JAKMIP1: variants seen among roughly 807,000 people sequenced by gnomAD.
JAKMIP1 encodes janus kinase and microtubule-interacting protein 1.
JAKMIP1 carries 33 observed loss-of-function variants against 113.0 expected under a neutral mutation model. The observed-to-expected ratio is 0.29, with a 90% confidence interval of 0.22 to 0.39. The LOEUF (loss-of-function observed/expected upper bound fraction) is 0.39. Ranked by LOEUF, JAKMIP1 falls within the 10% of genes least tolerant of loss-of-function variation. JAKMIP1 has a pLI of 1.00. For synonymous variants in JAKMIP1, 480 were observed against 459.9 expected (o/e 1.04, Z -0.56); for missense variants, 813 against 1,080.5 (o/e 0.75, Z 3.47).
In JAKMIP1 at chr4:6,081,669, C is replaced by T; in HGVS notation, c.1041G>A (p.Leu347=). ...TCTCCTCCATCCTCTGGATACTCTG[C>T]AACAGATCCTCATTCTTCTTGTTCA... is the stretch of plus-strand genomic sequence containing the variant. ...KRMNKKNEDL[L]QSIQRMEEKI... The change falls in exon 6 of 21, where the codon TTG becomes TTA. Residue 347 remains leucine (L), a synonymous_variant. Coordinates refer to ENST00000409021, the MANE Select transcript of JAKMIP1 (RefSeq NM_001099433.2). This position sits in a 1 kb window ranked among gnomAD's most constrained non-coding sequence, Gnocchi z 4.6. 6.2e-7 allele frequency: 1 copy of T among 1,614,204 alleles called. No homozygotes were observed.
At position 6,093,357 on chromosome 4, in the gene JAKMIP1, A is replaced by C. The variant is rs903630280; in HGVS notation, c.625-7728T>G. ...ATTTTTCTCTATAACTCAGTAAATA[A>C]ATATTCAACTGAGGGGGAGCTCTCC... On this transcript the variant is annotated intron_variant, in intron 3 of 20. Transcript: ENST00000409021. The surrounding 1 kb of genome is among the most constrained non-coding windows in gnomAD (Gnocchi z 4.6). Among the ~76,000 whole-genome samples, 1 of 152,160 alleles carries C rather than the reference A, an allele frequency of 6.6e-6. No individual in the cohort carries two copies. The highest frequency in any genetic ancestry group is 1.5e-5 in the Non-Finnish European group (1 of 68,028).
chr4:6,057,742 C>T (rs994144517), intron 11 of JAKMIP1, among the ~76,000 whole-genome samples: 1 of 152,216 alleles, frequency 6.6e-6, no homozygotes, highest in Non-Finnish European at 1.5e-5. Context: ...GTGATGGGGT[C>T]CATTTCTTCA....
intron 13 of JAKMIP1, among the ~76,000 whole-genome samples, chr4:6,053,095 A>G (rs1187692343): frequency 6.6e-6 from 1 of 152,256 alleles, no homozygotes; most frequent in Non-Finnish European, 1.5e-5. Flanking sequence ...GAGCTGCGCC[A>G]CTACAGGTGC....
rs1726478831 is a variant in JAKMIP1 at position 6,184,958 on chromosome 4, G to A, written c.-148+15295C>T. On this transcript the variant is annotated intron_variant, in intron 1 of 20. Transcript: ENST00000409021. The surrounding 1 kb of genome is among the most constrained non-coding windows in gnomAD (Gnocchi z 4.5). ...AAGAGCAGACTTGCTGAGTCTTCCGGCCTCCATCTTTCTCCCGTGCTGGAT... is the reference window on the plus strand; with the variant it reads ...AAGAGCAGACTTGCTGAGTCTTCCGACCTCCATCTTTCTCCCGTGCTGGAT... Among the ~76,000 whole-genome samples, 1 of 152,164 alleles carries A rather than the reference G, an allele frequency of 6.6e-6. No homozygotes were observed. Among genetic ancestry groups the A allele is most frequent in the Non-Finnish European group, 1.5e-5 (1 of 68,020 alleles).
Position 6,093,168 on chromosome 4 carries a change from G to T in JAKMIP1, c.625-7539C>A, listed in dbSNP as rs1401956944. ...ACCCAGCTCACACCTCACTTCCTCT[G>T]TGAAATGACTCCTGCATCTACCCAC... On this transcript the variant is annotated intron_variant, in intron 3 of 20. Transcript: ENST00000409021. This position sits in a 1 kb window ranked among gnomAD's most constrained non-coding sequence, Gnocchi z 4.6. Among the ~76,000 whole-genome samples the T allele has an allele frequency of 6.6e-6, 1 of 152,090 alleles. No individual in the cohort carries two copies. The highest frequency in any genetic ancestry group is 1.5e-5 in the Non-Finnish European group (1 of 68,030).
rs372290759 is a variant in JAKMIP1 at position 6,084,823 on chromosome 4, G to A, written c.954+23C>T. Reference sequence around the variant, plus strand: ...CCTTCCTTGCACCCTATGAGGCACCGCCTGTCTCTTGGGGCTACTTACCAG... The same window carrying A: ...CCTTCCTTGCACCCTATGAGGCACCACCTGTCTCTTGGGGCTACTTACCAG... On this transcript the variant is annotated intron_variant, in intron 5 of 20. Transcript: ENST00000409021. 196 of 1,606,030 alleles carry A rather than the reference G, an allele frequency of 1.2e-4. No homozygotes were observed. In the South Asian group the frequency reaches 1.8e-3, roughly 15 times the overall value.
chr4:6,191,376 TG>T (rs1727240272), intron 1 of JAKMIP1, among the ~76,000 whole-genome samples: 1 of 152,188 alleles, frequency 6.6e-6, no homozygotes, highest in Admixed American at 6.5e-5. Flanking sequence ...CCTTAGTGGC[TG>T]GGTCAGCCTC....
chr4:6,098,647 AGG>A (rs1216389985), intron 3 of JAKMIP1, among the ~76,000 whole-genome samples: 31 of 136,124 alleles, frequency 2.3e-4, no homozygotes, highest in South Asian at 6.8e-4. Flanking sequence ...AAAGAAAGAA[AGG>A]AAAGGAAAGG....
chr4:6,054,851 C>G (rs1237971665), intron 12 of JAKMIP1: 7 of 456,730 alleles, frequency 1.5e-5, no homozygotes, highest in South Asian at 1.1e-4. Flanking sequence ...CCTCATAGCA[C>G]CATTACAGAA....
intron 8 of JAKMIP1, among the ~76,000 whole-genome samples, chr4:6,068,698 C>T (rs1162294929): frequency 2.6e-5 from 4 of 151,968 alleles, no homozygotes; most frequent in Non-Finnish European, 4.4e-5. Context: ...GCTGGGATTA[C>T]AGGTGCGTGC....
chr4:6,139,937 G>A lies in JAKMIP1; in HGVS notation c.-147-26940C>T, dbSNP rs1719865317. Among the ~76,000 whole-genome samples the A allele has an allele frequency of 6.6e-6, 1 of 152,086 alleles. No individual in the cohort carries two copies. Among genetic ancestry groups the A allele is most frequent in the Admixed American group, 6.5e-5 (1 of 15,270 alleles). On this transcript the variant is annotated intron_variant, in intron 1 of 20. Coordinates refer to ENST00000409021, the MANE Select transcript of JAKMIP1 (RefSeq NM_001099433.2). This position sits in a 1 kb window ranked among gnomAD's most constrained non-coding sequence, Gnocchi z 5.2. The stretch of plus-strand genomic sequence containing the variant: ...CAAAGCACAGGAAGCCAGGGGAGAG[G>A]CCTGGGGCAGAGTCCCCTCGCAGCC...
In JAKMIP1 at chr4:6,168,084, G is replaced by A. The variant is rs189064765; in HGVS notation, c.-148+32169C>T. On this transcript the variant is annotated intron_variant, in intron 1 of 20. Transcript: ENST00000409021. This position sits in a 1 kb window ranked among gnomAD's most constrained non-coding sequence, Gnocchi z 4.6. ...CAGGGTAATACCAATCAAAACCGCA[G>A]TGAGACGGCACCACACACCACCCAG... Among the ~76,000 whole-genome samples the A allele has an allele frequency of 2.6e-5, 4 of 152,330 alleles. No homozygotes were observed. Among genetic ancestry groups the A allele is most frequent in the South Asian group, 2.1e-4 (1 of 4,830 alleles).
At position 6,140,553 on chromosome 4, in the gene JAKMIP1, G is replaced by T. The variant is rs1719987312; in HGVS notation, c.-147-27556C>A. On this transcript the variant is annotated intron_variant, in intron 1 of 20. Transcript: ENST00000409021. The surrounding 1 kb of genome is among the most constrained non-coding windows in gnomAD (Gnocchi z 9.4). ...GGTCTTTCTGCAGGGTCAGAGGGAAGTCGGCCCGCTAGGTGACAGTGGTTC... is the reference window on the plus strand; with the variant it reads ...GGTCTTTCTGCAGGGTCAGAGGGAATTCGGCCCGCTAGGTGACAGTGGTTC... Among the ~76,000 whole-genome samples the T allele has an allele frequency of 6.6e-6, 1 of 152,122 alleles. No homozygotes were observed.
chr4:6,189,702 AG>A, intron 1 of JAKMIP1, among the ~76,000 whole-genome samples: 1 of 152,140 alleles, frequency 6.6e-6, no homozygotes, highest in East Asian at 1.9e-4. Flanking sequence ...GCTAGGGCAG[AG>A]GGTGGCGTAG....
rs1718392745 is a variant in JAKMIP1 at position 6,067,843 on chromosome 4, C to A, written c.1303-2835G>T. On this transcript the variant is annotated intron_variant, in intron 8 of 20. Transcript: ENST00000409021. The surrounding 1 kb of genome is among the most constrained non-coding windows in gnomAD (Gnocchi z 4.6). Reference sequence around the variant, plus strand: ...CCACGTTCACTCAAGCTCTTCTGCACACGCAGGTCACCCCCCTGAGCTCCA... The same window carrying A: ...CCACGTTCACTCAAGCTCTTCTGCAAACGCAGGTCACCCCCCTGAGCTCCA... Among the ~76,000 whole-genome samples the A allele has an allele frequency of 6.6e-6, 1 of 152,122 alleles. No individual in the cohort carries two copies. The highest frequency in any genetic ancestry group is 6.5e-5 in the Admixed American group (1 of 15,280).
intron 1 of JAKMIP1, among the ~76,000 whole-genome samples, chr4:6,160,552 C>T (rs1432293937): frequency 6.6e-6 from 1 of 152,106 alleles, no homozygotes; most frequent in African/African-American, 2.4e-5. Flanking sequence ...AGACCCCTTC[C>T]CATTCCCACC....
At chr4:6,120,558 T>C (rs1288936413) in intron 1 of JAKMIP1, among the ~76,000 whole-genome samples, 2 of 152,110 alleles carry the variant, frequency 1.3e-5, no homozygotes, top group Non-Finnish European at 2.9e-5. Context: ...CGGACAACAG[T>C]GGCATGTGAG....
chr4:6,120,102 A>G (rs1716479110), intron 1 of JAKMIP1, among the ~76,000 whole-genome samples: 1 of 152,196 alleles, frequency 6.6e-6, no homozygotes, highest in South Asian at 2.1e-4. Context: ...CCGTGGAGAA[A>G]ATATGAATGG....
chr4:6,131,825 A>C (rs1215708575), intron 1 of JAKMIP1, among the ~76,000 whole-genome samples: 1 of 152,094 alleles, frequency 6.6e-6, no homozygotes, highest in Admixed American at 6.6e-5. Context: ...AGAGGAAAAA[A>C]CTCACCAGTG....
Sources: gnomAD v4.1 joint callset for allele counts (sites outside exome capture counted in the v4.1 genomes callset) on GRCh38, gnomAD v4.1.1 for gene constraint, Gnocchi (gnomAD v3.1) non-coding constraint, MANE v1.5 for transcripts, NCBI Gene and HGNC (gene_info 2026-07-23, HGNC 2026-07-21) for gene names.